SIPA1L3: variants seen among roughly 807,000 people sequenced by gnomAD.
The protein encoded by SIPA1L3 is signal-induced proliferation-associated 1-like protein 3.
SIPA1L3 carries 59 observed loss-of-function variants against 150.1 expected under a neutral mutation model. That is an observed-to-expected ratio of 0.39 (90% confidence interval 0.32 to 0.49). SIPA1L3 has a LOEUF of 0.49. Among genes scored for constraint, SIPA1L3 ranks in the 20% least tolerant of loss-of-function variants. SIPA1L3 has a pLI of 0.86. For synonymous variants in SIPA1L3, 1,070 were observed against 1,077.6 expected (o/e 0.99, Z 0.14); for missense variants, 2,211 against 2,489.5 (o/e 0.89, Z 2.38).
In SIPA1L3 at chr19:38,082,775, G is replaced by A. The variant is rs1970032867; in HGVS notation, c.1210G>A (p.Asp404Asn). 2 of 1,613,308 alleles carry A rather than the reference G, an allele frequency of 1.2e-6. No homozygotes were observed. Among genetic ancestry groups the A allele is most frequent in the African/African-American group, 1.3e-5 (1 of 75,052 alleles). Reference sequence around the variant, plus strand: ...GGACCCGGCCTTCACCAGCACAGAGGACCTAAACTGCAAGGAGAACTTGGA... The same window carrying A: ...GGACCCGGCCTTCACCAGCACAGAGAACCTAAACTGCAAGGAGAACTTGGA... ...GLDPAFTSTE[D>N]LNCKENLEQD... The change falls in exon 3 of 22, where the codon GAC (aspartate) becomes AAC (asparagine). Residue 404 changes from aspartate to asparagine, a missense_variant. Around this residue, in one of 5 missense-constraint regions of SIPA1L3, gnomAD observed 587 missense variants for 534.5 expected, o/e 1.10. Coordinates refer to ENST00000222345, the MANE Select transcript of SIPA1L3 (RefSeq NM_015073.3).
chr19:38,014,134 C>T (rs945389909), intron 1 of SIPA1L3, among the ~76,000 whole-genome samples: 4 of 152,236 alleles, frequency 2.6e-5, no homozygotes, highest in Admixed American at 2.0e-4. Context: ...GGCCTGTCTG[C>T]GAGCATCCTC....
intron 2 of SIPA1L3, among the ~76,000 whole-genome samples, chr19:38,079,141 G>A (rs1025158610): frequency 2.0e-5 from 3 of 152,172 alleles, no homozygotes; most frequent in African/African-American, 7.2e-5. Flanking sequence ...GACCATCCTG[G>A]CTAACACGGT....
chr19:38,037,295 G>A (rs577800361), intron 2 of SIPA1L3, among the ~76,000 whole-genome samples: 10 of 152,352 alleles, frequency 6.6e-5, no homozygotes, highest in South Asian at 4.1e-4. Flanking sequence ...AAGGACTGAC[G>A]TTTGGGAGGA....
intron 1 of SIPA1L3, among the ~76,000 whole-genome samples, chr19:37,978,548 G>A (rs944203440): frequency 6.6e-6 from 1 of 152,188 alleles, no homozygotes; most frequent in Non-Finnish European, 1.5e-5. Context: ...AGAAATTGAG[G>A]TGGGATTCTG....
chr19:38,171,648 C>T (rs1439961845), intron 15 of SIPA1L3, among the ~76,000 whole-genome samples: 1 of 151,984 alleles, frequency 6.6e-6, no homozygotes, highest in Non-Finnish European at 1.5e-5. Flanking sequence ...CCACCTTGGC[C>T]TCCCAAAGTG....
intron 20 of SIPA1L3, among the ~76,000 whole-genome samples, chr19:38,202,681 C>T (rs1379496826): frequency 3.3e-5 from 5 of 152,338 alleles, no homozygotes; most frequent in East Asian, 3.9e-4. Flanking sequence ...GCCAATCTCC[C>T]GCCTGTCTGC....
chr19:37,944,521 GTGA>G (rs2145535425), intron 1 of SIPA1L3, among the ~76,000 whole-genome samples: 1 of 152,218 alleles, frequency 6.6e-6, no homozygotes, highest in African/African-American at 2.4e-5. Context: ...TAAAATGATG[GTGA>G]TGATCCCAAC....
intron 1 of SIPA1L3, among the ~76,000 whole-genome samples, chr19:37,937,493 C>CT (rs1338725101): frequency 6.6e-6 from 1 of 151,760 alleles, no homozygotes; most frequent in African/African-American, 2.4e-5. Flanking sequence ...AATCCCAGCA[C>CT]TTTGGGAGGC....
At chr19:38,158,676 A>G (rs375031462) in intron 13 of SIPA1L3, among the ~76,000 whole-genome samples, 224 of 152,372 alleles carry the variant, frequency 1.5e-3, no homozygotes, top group Non-Finnish European at 2.4e-3. Flanking sequence ...TTTTAAAGGC[A>G]GCGTTAACCA....
At chr19:37,983,282 G>A (rs1414272223) in intron 1 of SIPA1L3, among the ~76,000 whole-genome samples, 1 of 152,216 alleles carries the variant, frequency 6.6e-6, no homozygotes, top group East Asian at 1.9e-4. Context: ...GCCACGTGCT[G>A]GGAGTTGAAA....
chr19:38,147,711 T>C (rs772216746), intron 12 of SIPA1L3, among the ~76,000 whole-genome samples: 8 of 152,118 alleles, frequency 5.3e-5, no homozygotes, highest in Non-Finnish European at 1.2e-4. Flanking sequence ...TGGATATCCT[T>C]GTGTGGATCT....
chr19:38,060,206 A>C (rs73628693), intron 2 of SIPA1L3, among the ~76,000 whole-genome samples: 2,993 of 152,318 alleles, frequency 0.02, 104 homozygotes, highest in African/African-American at 0.068. Context: ...TGAACTTTAT[A>C]TAAAAACAGT....
intron 13 of SIPA1L3, among the ~76,000 whole-genome samples, chr19:38,160,011 A>G (rs1972042417): frequency 6.6e-6 from 1 of 151,752 alleles, no homozygotes; most frequent in Admixed American, 6.6e-5. Flanking sequence ...TATTTATTTT[A>G]TTTTTTATTT....
chr19:38,143,948 C>T (rs935843611), intron 12 of SIPA1L3, among the ~76,000 whole-genome samples: 15 of 152,140 alleles, frequency 9.9e-5, no homozygotes, highest in Admixed American at 3.9e-4. Flanking sequence ...AGGGCCCCTG[C>T]GAGTCTCGTG....
intron 16 of SIPA1L3, among the ~76,000 whole-genome samples, chr19:38,188,898 G>C (rs1191173467): frequency 1.3e-5 from 2 of 150,962 alleles, no homozygotes; most frequent in Admixed American, 6.6e-5. Flanking sequence ...ACTCCAGCCT[G>C]GGAGACAGCG....
chr19:38,043,291 G>C (rs1010080146), intron 2 of SIPA1L3, among the ~76,000 whole-genome samples: 1 of 152,160 alleles, frequency 6.6e-6, no homozygotes, highest in Non-Finnish European at 1.5e-5. Flanking sequence ...AGTGAGCTGA[G>C]ATCACACCAC....
chr19:38,100,781 G>C (rs1345468168), intron 5 of SIPA1L3, among the ~76,000 whole-genome samples: 1 of 152,230 alleles, frequency 6.6e-6, no homozygotes, highest in Admixed American at 6.5e-5. Flanking sequence ...TTTCATGCAA[G>C]TGTGGCATCA....
intron 7 of SIPA1L3, chr19:38,108,447 A>G (rs1382469638): frequency 6.6e-6 from 1 of 152,234 alleles, no homozygotes; most frequent in Non-Finnish European, 1.5e-5. Flanking sequence ...GATGAATTGA[A>G]GATAAGGCTG....
At chr19:37,954,022 A>C (rs2046787116) in intron 1 of SIPA1L3, among the ~76,000 whole-genome samples, 1 of 152,182 alleles carries the variant, frequency 6.6e-6, no homozygotes, top group Non-Finnish European at 1.5e-5. Context: ...TTTGTGGGAG[A>C]AGAAAATAGT....
Sources: gnomAD v4.1 joint callset for allele counts (sites outside exome capture counted in the v4.1 genomes callset) on GRCh38, gnomAD v4.1.1 for gene constraint, gnomAD v4.1.1 regional missense constraint, MANE v1.5 for transcripts, NCBI Gene and HGNC (gene_info 2026-07-23, HGNC 2026-07-21) for gene names.